The following NRXN1 variants were observed in gnomAD, a reference collection of about 807,000 sequenced individuals.
NRXN1 encodes neurexin 1, also known as neurexin-1.
NRXN1 carries 39 observed loss-of-function variants against 150.9 expected under a neutral mutation model. The ratio of observed to expected loss-of-function variants is 0.26; its 90% confidence interval spans 0.20 to 0.34. The LOEUF is 0.34. Among genes scored for constraint, NRXN1 ranks in the 10% least tolerant of loss-of-function variants. NRXN1 has a pLI of 1.00. For missense variants in NRXN1, 1,815 were observed against 1,949.9 expected, an observed-to-expected ratio of 0.93 and a Z score of 1.30; for synonymous variants, 924 against 757.0, an observed-to-expected ratio of 1.22 and a Z score of -3.62.
At chr2:50,170,447 C>T (rs963919595) in intron 18 of NRXN1, among the ~76,000 whole-genome samples, 1 of 151,994 alleles carries the variant, frequency 6.6e-6, no homozygotes, top group Non-Finnish European at 1.5e-5. Flanking sequence ...AGGTGTGCAC[C>T]ACCACATCCA....
chr2:50,343,732 G>A (rs2077722534), intron 17 of NRXN1, among the ~76,000 whole-genome samples: 1 of 152,190 alleles, frequency 6.6e-6, no homozygotes, highest in African/African-American at 2.4e-5. Flanking sequence ...GAAGAAGAAT[G>A]AACCTGGATA....
intron 9 of NRXN1, chr2:50,551,187 T>C (rs1667484649): frequency 6.6e-6 from 1 of 151,132 alleles, no homozygotes; most frequent in South Asian, 2.1e-4. Context: ...AGTGAGAATA[T>C]TTAGGGAGAC....
chr2:50,369,487 C>G (rs1178248954), intron 17 of NRXN1, among the ~76,000 whole-genome samples: 1 of 151,882 alleles, frequency 6.6e-6, no homozygotes, highest in Non-Finnish European at 1.5e-5. Context: ...CCTATATTTC[C>G]AAATAAATAG....
At position 50,748,566 on chromosome 2, in the gene NRXN1, T is replaced by G. The variant is rs76379179; in HGVS notation, c.833-124951A>C. 8.0e-3 allele frequency among the ~76,000 whole-genome samples: 1,214 copies of G among 152,150 alleles called. 11 individuals carry two copies. The highest frequency in any genetic ancestry group is 0.028 in the African/African-American group (1,153 of 41,518). ...ATAACAAAGGCTCCATGGTAAATTA[T>G]AAATACTCCCGAAATCCCTCCAACA... is the stretch of plus-strand genomic sequence containing the variant. On this transcript the variant is annotated intron_variant, in intron 5 of 22. Transcript: ENST00000401669.
At chr2:49,926,633 C>T (rs1365155990) in intron 22 of NRXN1, among the ~76,000 whole-genome samples, 1 of 152,120 alleles carries the variant, frequency 6.6e-6, no homozygotes, top group East Asian at 1.9e-4. Flanking sequence ...ATAAATGCAA[C>T]TGTTGCTCTC....
At chr2:50,858,299 A>C (rs1281069646) in intron 5 of NRXN1, among the ~76,000 whole-genome samples, 1 of 152,088 alleles carries the variant, frequency 6.6e-6, no homozygotes, top group Non-Finnish European at 1.5e-5. Flanking sequence ...CAAAACACAA[A>C]CATAAGAAGC....
chr2:50,492,223 G>A (rs1179412002), intron 15 of NRXN1, among the ~76,000 whole-genome samples: 1 of 152,142 alleles, frequency 6.6e-6, no homozygotes, highest in African/African-American at 2.4e-5. Context: ...GCATGTTGCT[G>A]CTTGTACATA....
chr2:50,161,008 G>C (rs1294359739), intron 18 of NRXN1, among the ~76,000 whole-genome samples: 2 of 152,058 alleles, frequency 1.3e-5, no homozygotes, highest in Admixed American at 6.6e-5. Context: ...CTATTGGTCA[G>C]AAATGTGATC....
intron 21 of NRXN1, among the ~76,000 whole-genome samples, chr2:49,951,315 G>T (rs1385588606): frequency 1.3e-5 from 2 of 151,890 alleles, no homozygotes; most frequent in Non-Finnish European, 2.9e-5. Context: ...CAGGGAACTT[G>T]AAATTAAATT....
chr2:50,985,819 G>A (rs1027572942), intron 2 of NRXN1, among the ~76,000 whole-genome samples: 3 of 151,578 alleles, frequency 2.0e-5, no homozygotes, highest in African/African-American at 7.3e-5. Flanking sequence ...ACTTCAAAAT[G>A]AGGAAAGATA....
chr2:50,205,158 G>C (rs940196534), intron 18 of NRXN1, among the ~76,000 whole-genome samples: 1 of 152,020 alleles, frequency 6.6e-6, no homozygotes, highest in African/African-American at 2.4e-5. Flanking sequence ...CTGAAATTAA[G>C]AATCAGACAA....
intron 13 of NRXN1, among the ~76,000 whole-genome samples, chr2:50,498,887 A>C (rs2091790660): frequency 6.6e-6 from 1 of 152,170 alleles, no homozygotes; most frequent in African/African-American, 2.4e-5. Flanking sequence ...GATTTGCCAT[A>C]ATTGGAAAAT....
At chr2:50,622,863 G>A (rs1271935016) in intron 6 of NRXN1, among the ~76,000 whole-genome samples, 1 of 152,120 alleles carries the variant, frequency 6.6e-6, no homozygotes, top group Non-Finnish European at 1.5e-5. Context: ...CCATTTTGGG[G>A]TTGGGAGGAG....
chr2:50,365,887 A>G (rs1376479746), intron 17 of NRXN1, among the ~76,000 whole-genome samples: 2 of 152,188 alleles, frequency 1.3e-5, no homozygotes, highest in South Asian at 2.1e-4. Context: ...ATACACTACA[A>G]ATTCTTTGCA....
At chr2:50,944,526 T>C (rs535146975) in intron 2 of NRXN1, among the ~76,000 whole-genome samples, 1 of 152,338 alleles carries the variant, frequency 6.6e-6, no homozygotes, top group South Asian at 2.1e-4. Context: ...TTCCGTTTAT[T>C]CATTTTGTAT....
chr2:50,130,664 C>T (rs969539679), intron 18 of NRXN1, among the ~76,000 whole-genome samples: 5 of 152,188 alleles, frequency 3.3e-5, no homozygotes, highest in African/African-American at 1.2e-4. Context: ...AAGTACTCTG[C>T]ATGTGAGCAA....
At chr2:50,245,724 A>G (rs1192661776) in intron 17 of NRXN1, among the ~76,000 whole-genome samples, 4 of 151,802 alleles carry the variant, frequency 2.6e-5, no homozygotes, top group African/African-American at 9.7e-5. Flanking sequence ...TTTCTTTACT[A>G]TAATTATGGT....
intron 21 of NRXN1, among the ~76,000 whole-genome samples, chr2:50,033,269 A>G (rs9309173): frequency 0.72 from 110,005 of 151,794 alleles, 40,171 homozygotes; most frequent in Middle Eastern, 0.8. Context: ...GTACTGGTAC[A>G]AAAACAGACA....
chr2:50,478,269 TAAAAG>T (rs1172244536), intron 15 of NRXN1, among the ~76,000 whole-genome samples: 1 of 152,152 alleles, frequency 6.6e-6, no homozygotes, highest in African/African-American at 2.4e-5. Context: ...ATTAAACTAC[TAAAAG>T]AAAAAGCATG....
Sources: allele counts gnomAD v4.1 joint callset (sites outside exome capture counted in the v4.1 genomes callset), GRCh38; gene constraint gnomAD v4.1.1; transcripts MANE v1.5; gene names NCBI Gene and HGNC (gene_info 2026-07-23, HGNC 2026-07-21).